The following SERINC5 variants were observed in gnomAD, a reference collection of about 807,000 sequenced individuals.
SERINC5 encodes the protein serine incorporator 5, also known as chromosome 5 open reading frame 12.
In SERINC5, 41 loss-of-function variants were observed where a neutral mutation model predicts 63.1. The observed-to-expected ratio is 0.65, with a 90% CI of 0.51 to 0.84. The LOEUF (loss-of-function observed/expected upper bound fraction) is 0.84, where lower values mean the gene tolerates loss of function less well. Ranked by LOEUF, SERINC5 falls within the 40% of genes least tolerant of loss-of-function variation. The pLI, the probability that SERINC5 is intolerant of heterozygous loss-of-function variation, is 0.00. For missense variants in SERINC5, 523 were observed against 573.0 expected (o/e 0.91, Z 0.89); for synonymous variants, 222 against 215.2 (o/e 1.03, Z -0.28).
chr5:80,167,543 C>G (rs1747381839), intron 6 of SERINC5, among the ~76,000 whole-genome samples: 1 of 152,056 alleles, frequency 6.6e-6, no homozygotes, highest in African/African-American at 2.4e-5. Context: ...ATGCCTGTGT[C>G]TTTATGTGAG....
intron 11 of SERINC5, 137 bp from the exon 12 acceptor site, chr5:80,143,947 T>TTG: frequency 9.9e-7 from 1 of 1,013,830 alleles, no homozygotes; most frequent in Non-Finnish European, 1.4e-6. Context: ...CCATCAACAC[T>TTG]ACCCATTTCC....
chr5:80,255,397 T>C (rs1053385949), intron 1 of SERINC5, among the ~76,000 whole-genome samples: 1 of 152,004 alleles, frequency 6.6e-6, no homozygotes, highest in East Asian at 1.9e-4. Context: ...CGAGACATTC[T>C]CAAAGGTACA....
chr5:80,215,007 A>G (rs903724797), intron 1 of SERINC5, among the ~76,000 whole-genome samples: 1 of 152,252 alleles, frequency 6.6e-6, no homozygotes, highest in African/African-American at 2.4e-5. Flanking sequence ...ATGTAAATAA[A>G]CCAATACTTG....
At chr5:80,180,936 C>CT (rs1337084420) in intron 2 of SERINC5, among the ~76,000 whole-genome samples, 4 of 152,006 alleles carry the variant, frequency 2.6e-5, no homozygotes, top group Non-Finnish European at 4.4e-5. Context: ...CTGACATGTC[C>CT]TTTTTTATGG....
At chr5:80,230,255 G>C (rs545861796) in intron 1 of SERINC5, among the ~76,000 whole-genome samples, 2 of 152,030 alleles carry the variant, frequency 1.3e-5, no homozygotes, top group Non-Finnish European at 2.9e-5. Context: ...CAGATCACTT[G>C]AAGTCAGGAG....
chr5:80,190,045 C>G (rs925111327), intron 2 of SERINC5, among the ~76,000 whole-genome samples: 1 of 151,686 alleles, frequency 6.6e-6, no homozygotes, highest in African/African-American at 2.4e-5. Context: ...AATGTGTGGA[C>G]CTGAACGCAG....
rs984045744 is a variant in SERINC5 at position 80,185,387 on chromosome 5, T to G, written c.196-7323A>C. 4.7e-4 allele frequency among the ~76,000 whole-genome samples: 71 copies of G among 152,324 alleles called. 1 individual carries two copies. Among genetic ancestry groups the G allele is most frequent in the African/African-American group, 1.4e-3 (60 of 41,580 alleles). ...AAATGAAACAATACCGACACCCATT[T>G]CATGGAGTTGCCTGAGAATTACATC... On this transcript the variant is annotated intron_variant, in intron 2 of 11. Coordinates refer to ENST00000507668, the MANE Select transcript of SERINC5 (RefSeq NM_001174072.3).
chr5:80,161,902 CAG>C (rs143223192), intron 7 of SERINC5, among the ~76,000 whole-genome samples: 9,359 of 152,106 alleles, frequency 0.062, 435 homozygotes, highest in Admixed American at 0.12. Flanking sequence ...TGGTGAGAGA[CAG>C]GGGTTCGGTA....
intron 12 of SERINC5, among the ~76,000 whole-genome samples, chr5:80,112,100 G>C (rs1196381141): frequency 6.6e-6 from 1 of 152,158 alleles, no homozygotes; most frequent in African/African-American, 2.4e-5. Flanking sequence ...CATGGGATGG[G>C]AAAGACCTGA....
In SERINC5 at chr5:80,196,130, C is replaced by T. The variant is rs115103761; in HGVS notation, c.195+6756G>A. ...AAAGTATGCACAAGATCTAGAAAAA[C>T]GGGGATGCAGGAAGAAAGAATCTAC... is the stretch of plus-strand genomic sequence containing the variant. On this transcript the variant is annotated intron_variant, in intron 2 of 11. Transcript: ENST00000507668. Among the ~76,000 whole-genome samples the T allele has an allele frequency of 4.8e-3, 724 of 152,070 alleles. 5 individuals are homozygous for T. Among genetic ancestry groups the T allele is most frequent in the Non-Finnish European group, 5.5e-3 (373 of 67,996 alleles).
intron 5 of SERINC5, among the ~76,000 whole-genome samples, chr5:80,172,207 G>A (rs1352387509): frequency 6.6e-6 from 1 of 152,092 alleles, no homozygotes; most frequent in Non-Finnish European, 1.5e-5. Context: ...GTGCATGCCT[G>A]TAATCCCAGC....
chr5:80,154,682 C>T (rs1256881628), intron 8 of SERINC5, among the ~76,000 whole-genome samples: 9 of 152,054 alleles, frequency 5.9e-5, no homozygotes, highest in Non-Finnish European at 1.0e-4. Flanking sequence ...ACAATCCCCT[C>T]GGCAATGCTA....
intron 1 of SERINC5, among the ~76,000 whole-genome samples, chr5:80,232,485 G>C (rs1044902233): frequency 6.7e-6 from 1 of 149,074 alleles, no homozygotes; most frequent in African/African-American, 2.5e-5. Context: ...GTATATTCCA[G>C]TAAAAGGAAT....
chr5:80,206,305 G>A (rs986820879), intron 1 of SERINC5, among the ~76,000 whole-genome samples: 1 of 152,108 alleles, frequency 6.6e-6, no homozygotes, highest in Non-Finnish European at 1.5e-5. Flanking sequence ...AATGAGCTAC[G>A]ATCACAGGTA....
chr5:80,150,342 C>T (rs1366601965), intron 9 of SERINC5, among the ~76,000 whole-genome samples: 1 of 152,168 alleles, frequency 6.6e-6, no homozygotes, highest in African/African-American at 2.4e-5. Flanking sequence ...GGATGCCACC[C>T]AAGAGGCCAG....
chr5:80,246,299 C>CA (rs779779746), intron 1 of SERINC5, among the ~76,000 whole-genome samples: 1 of 151,870 alleles, frequency 6.6e-6, no homozygotes, highest in Non-Finnish European at 1.5e-5. Flanking sequence ...CAAAACAAAA[C>CA]AAAAAAATGG....
chr5:80,132,990 G>A (rs935496881), intron 11 of SERINC5, among the ~76,000 whole-genome samples: 3 of 152,170 alleles, frequency 2.0e-5, no homozygotes, highest in Admixed American at 1.3e-4. Flanking sequence ...AATCCTCAGC[G>A]TTGGAGGTGG....
chr5:80,158,762 T>C (rs1746695366), intron 8 of SERINC5, 74 bp downstream of exon 8: 2 of 1,483,862 alleles, frequency 1.3e-6, no homozygotes, highest in Non-Finnish European at 9.2e-7. Context: ...TCACAGCTAC[T>C]GAAAGTTATT....
At chr5:80,255,316 G>A (rs1428845729) in intron 1 of SERINC5, 1 of 153,948 alleles carries the variant, frequency 6.5e-6, no homozygotes, top group Non-Finnish European at 1.4e-5. Context: ...GGTTGGGTCG[G>A]GAAATTCAGG....
Sources: allele counts gnomAD v4.1 joint callset (sites outside exome capture counted in the v4.1 genomes callset), GRCh38; gene constraint gnomAD v4.1.1; transcripts MANE v1.5; gene names NCBI Gene and HGNC (gene_info 2026-07-23, HGNC 2026-07-21).